NKAIN2: variants seen among roughly 807,000 people sequenced by gnomAD.
NKAIN2 encodes the protein sodium/potassium-transporting ATPase subunit beta-1-interacting protein 2.
A neutral mutation model predicts 32.6 loss-of-function variants in NKAIN2; 14 were observed. That is an observed-to-expected ratio of 0.43 (90% CI 0.28 to 0.67). NKAIN2 has a LOEUF of 0.67. Ranked by LOEUF, NKAIN2 falls within the 30% of genes least tolerant of loss-of-function variation. NKAIN2 has a pLI of 0.17. For missense variants in NKAIN2, 198 were observed against 258.3 expected, an observed-to-expected ratio of 0.77 and a Z score of 1.60; for synonymous variants, 80 against 87.2, an observed-to-expected ratio of 0.92 and a Z score of 0.46.
chr6:124,367,287 C>T (rs1238081368), intron 3 of NKAIN2, among the ~76,000 whole-genome samples: 1 of 151,950 alleles, frequency 6.6e-6, no homozygotes, highest in Non-Finnish European at 1.5e-5. Context: ...TTTATGCATC[C>T]CTAGGATCAA....
intron 4 of NKAIN2, among the ~76,000 whole-genome samples, chr6:124,719,820 C>T (rs1775931005): frequency 6.6e-6 from 1 of 151,780 alleles, no homozygotes; most frequent in South Asian, 2.1e-4. Flanking sequence ...AACTTTTCTC[C>T]TATGGTTCAT....
At chr6:123,891,231 C>T (rs984163190) in intron 1 of NKAIN2, among the ~76,000 whole-genome samples, 2 of 151,962 alleles carry the variant, frequency 1.3e-5, no homozygotes, top group African/African-American at 2.4e-5. Flanking sequence ...CAGAGTTTCT[C>T]CTGGAGATCA....
At chr6:124,104,269 A>G (rs1437996140) in intron 1 of NKAIN2, among the ~76,000 whole-genome samples, 1 of 152,134 alleles carries the variant, frequency 6.6e-6, no homozygotes, top group African/African-American at 2.4e-5. Context: ...CTTCATGGAA[A>G]AACTTTGAAT....
At chr6:124,401,283 A>G (rs1442914383) in intron 3 of NKAIN2, among the ~76,000 whole-genome samples, 1 of 151,938 alleles carries the variant, frequency 6.6e-6, no homozygotes, top group Non-Finnish European at 1.5e-5. Context: ...TTTCCCCCCA[A>G]TTTTTTGTGC....
chr6:124,151,738 C>T (rs1305653510), intron 1 of NKAIN2, among the ~76,000 whole-genome samples: 2 of 151,934 alleles, frequency 1.3e-5, no homozygotes, highest in African/African-American at 4.8e-5. Flanking sequence ...TTGCCTTTTC[C>T]CAATGACTTA....
chr6:123,884,958 G>A (rs891840467), intron 1 of NKAIN2, among the ~76,000 whole-genome samples: 3 of 152,140 alleles, frequency 2.0e-5, no homozygotes, highest in Middle Eastern at 3.4e-3. Flanking sequence ...TGTTCTATAT[G>A]CCTATTAGAG....
chr6:124,597,451 T>C (rs988261232), intron 3 of NKAIN2, among the ~76,000 whole-genome samples: 4 of 151,984 alleles, frequency 2.6e-5, no homozygotes, highest in African/African-American at 7.2e-5. Context: ...CTCTATCTTA[T>C]CTGGCAAACC....
At chr6:123,836,387 A>C (rs894725110) in intron 1 of NKAIN2, among the ~76,000 whole-genome samples, 3 of 152,054 alleles carry the variant, frequency 2.0e-5, no homozygotes, top group African/African-American at 7.2e-5. Flanking sequence ...GATATCATGT[A>C]CCCCTTGATA....
At chr6:123,992,010 T>C (rs562250328) in intron 1 of NKAIN2, among the ~76,000 whole-genome samples, 1 of 152,146 alleles carries the variant, frequency 6.6e-6, no homozygotes, top group Admixed American at 6.5e-5. Flanking sequence ...AGTTTTGTTC[T>C]TATATGTGAT....
At chr6:124,333,191 A>C (rs1797734271) in intron 2 of NKAIN2, among the ~76,000 whole-genome samples, 1 of 152,206 alleles carries the variant, frequency 6.6e-6, no homozygotes, top group African/African-American at 2.4e-5. Flanking sequence ...GTGGCAAATT[A>C]CTTGACACTA....
At chr6:124,617,524 C>A (rs1395281166) in intron 3 of NKAIN2, among the ~76,000 whole-genome samples, 1 of 152,148 alleles carries the variant, frequency 6.6e-6, no homozygotes, top group Admixed American at 6.5e-5. Flanking sequence ...TTGTAAAATT[C>A]TTTAGCAAAG....
chr6:123,900,532 GTTTTTTTTTTTTTTTTTTTTT>G (rs34370743), intron 1 of NKAIN2, among the ~76,000 whole-genome samples: 8,294 of 32,894 alleles, frequency 0.25, 1,173 homozygotes, highest in African/African-American at 0.38. Flanking sequence ...CTCCAGATTA[GTTTTTTTTTTTTTTTTTTTTT>G]TTTTTTTTTT....
At chr6:124,705,230 A>T (rs1774998081) in intron 4 of NKAIN2, among the ~76,000 whole-genome samples, 1 of 152,130 alleles carries the variant, frequency 6.6e-6, no homozygotes, top group African/African-American at 2.4e-5. Flanking sequence ...AGGAATACAT[A>T]TAAAAGATTG....
At chr6:124,334,549 C>T (rs1797789968) in intron 2 of NKAIN2, among the ~76,000 whole-genome samples, 1 of 41,380 alleles carries the variant, frequency 2.4e-5, no homozygotes, top group Non-Finnish European at 4.3e-5. Context: ...CAGTCGGTTC[C>T]TGGTGGGGGG....
intron 3 of NKAIN2, among the ~76,000 whole-genome samples, chr6:124,401,417 A>G (rs527940533): frequency 6.6e-6 from 1 of 152,308 alleles, no homozygotes; most frequent in East Asian, 1.9e-4. Context: ...TTGTTTTGGA[A>G]CACAGCTGTG....
chr6:124,810,042 A>C (rs1194954530), intron 5 of NKAIN2, among the ~76,000 whole-genome samples: 1 of 152,126 alleles, frequency 6.6e-6, no homozygotes, highest in African/African-American at 2.4e-5. Context: ...GTGGGACTGT[A>C]AACTAGTTCA....
intron 4 of NKAIN2, among the ~76,000 whole-genome samples, chr6:124,681,290 CTTTT>C (rs940597261): frequency 6.6e-5 from 10 of 151,970 alleles, no homozygotes; most frequent in African/African-American, 2.4e-4. Flanking sequence ...TTTATTTTAA[CTTTT>C]TTTAACATCT....
intron 1 of NKAIN2, among the ~76,000 whole-genome samples, chr6:123,954,066 C>T (rs796362720): frequency 6.6e-6 from 1 of 152,198 alleles, no homozygotes; most frequent in Admixed American, 6.5e-5. Flanking sequence ...GGCCCATGCT[C>T]CAATGACTCA....
intron 1 of NKAIN2, among the ~76,000 whole-genome samples, chr6:124,258,720 A>G (rs1794073104): frequency 6.6e-6 from 1 of 152,228 alleles, no homozygotes; most frequent in Non-Finnish European, 1.5e-5. Flanking sequence ...AATAGTACGT[A>G]TGTAGCAAGT....
Sources: gnomAD v4.1 joint callset for allele counts (sites outside exome capture counted in the v4.1 genomes callset) on GRCh38, gnomAD v4.1.1 for gene constraint, MANE v1.5 for transcripts, NCBI Gene and HGNC (gene_info 2026-07-23, HGNC 2026-07-21) for gene names.